The following ATR variants were observed in gnomAD, a reference collection of about 807,000 sequenced individuals.
ATR encodes the protein ATR checkpoint kinase.
A neutral mutation model predicts 305.3 loss-of-function variants in ATR; 142 were observed. That is an observed-to-expected ratio of 0.47 (90% CI 0.41 to 0.53). ATR has a LOEUF of 0.53. Ranked by LOEUF, ATR falls within the 20% of genes least tolerant of loss-of-function variation. The pLI, the probability that ATR is intolerant of heterozygous loss-of-function variation, is 0.00. For missense variants in ATR, 2,135 were observed against 3,133.1 expected, an observed-to-expected ratio of 0.68 and a Z score of 7.60; for synonymous variants, 1,050 against 1,068.1, an observed-to-expected ratio of 0.98 and a Z score of 0.33.
At chr3:142,472,413 T>C (rs561090188) in intron 36 of ATR, 1 of 152,286 alleles carries the variant, frequency 6.6e-6, no homozygotes, top group South Asian at 2.1e-4. Flanking sequence ...CTTTTCCCCA[T>C]ATCCTCTCCA....
intron 36 of ATR, among the ~76,000 whole-genome samples, chr3:142,474,758 A>G (rs2071392304): frequency 6.6e-6 from 1 of 152,174 alleles, no homozygotes; most frequent in Non-Finnish European, 1.5e-5. Flanking sequence ...GATTCCTGGT[A>G]CTATATTGAA....
chr3:142,530,044 A>AAG (rs2033576449), intron 21 of ATR, among the ~76,000 whole-genome samples: 1 of 152,088 alleles, frequency 6.6e-6, no homozygotes, highest in Non-Finnish European at 1.5e-5. Flanking sequence ...GACATCAATT[A>AAG]TTTGCAGGTG....
intron 26 of ATR, among the ~76,000 whole-genome samples, chr3:142,513,127 T>C (rs1236417991): frequency 2.0e-5 from 3 of 152,064 alleles, no homozygotes; most frequent in Non-Finnish European, 4.4e-5. Flanking sequence ...AAAGAAAATA[T>C]AGCAAATAAG....
At chr3:142,544,495 AG>A (rs1302711272) in intron 16 of ATR, among the ~76,000 whole-genome samples, 1 of 149,268 alleles carries the variant, frequency 6.7e-6, no homozygotes, top group Non-Finnish European at 1.5e-5. Flanking sequence ...CCATTCACTA[AG>A]AACTTAGTAT....
chr3:142,502,962 A>G (rs971880585), intron 30 of ATR, among the ~76,000 whole-genome samples: 2 of 152,230 alleles, frequency 1.3e-5, no homozygotes, highest in African/African-American at 4.8e-5. Context: ...TTCATCAATC[A>G]TTTAGGGTAA....
intron 22 of ATR, among the ~76,000 whole-genome samples, chr3:142,523,686 C>A (rs1232312237): frequency 6.6e-6 from 1 of 151,976 alleles, no homozygotes; most frequent in Non-Finnish European, 1.5e-5. Flanking sequence ...ACTAGTTATC[C>A]ATGGAAACAC....
intron 36 of ATR, among the ~76,000 whole-genome samples, chr3:142,484,393 G>T (rs6775718): frequency 0.65 from 98,305 of 151,862 alleles, 33,169 homozygotes; most frequent in African/African-American, 0.85. Flanking sequence ...TTCCAGAGAG[G>T]TGAACACGTG....
At chr3:142,494,116 A>G (rs2031445690) in intron 34 of ATR, among the ~76,000 whole-genome samples, 1 of 152,132 alleles carries the variant, frequency 6.6e-6, no homozygotes, top group South Asian at 2.1e-4. Flanking sequence ...AAGCAATACA[A>G]GTATAACAAC....
chr3:142,481,863 C>T (rs1157382049), intron 36 of ATR, among the ~76,000 whole-genome samples: 1 of 151,618 alleles, frequency 6.6e-6, no homozygotes, highest in African/African-American at 2.4e-5. Context: ...TTCTCTGTCA[C>T]CCAGGCAGGA....
rs2108466208 is a variant in ATR at position 142,554,023 on chromosome 3, A to T, written c.2342-8T>A. 1 of 1,583,606 alleles carries T rather than the reference A, an allele frequency of 6.3e-7. No individual in the cohort carries two copies. Among genetic ancestry groups the T allele is most frequent in the Non-Finnish European group, 8.6e-7 (1 of 1,158,082 alleles). ...GTAGATTATCTATGAAAGCTGAAGG[A>T]CAAGAGTATACAATACCTAATTTAA... On this transcript the variant is annotated splice_polypyrimidine_tract_variant and splice_region_variant and intron_variant, in intron 10 of 46. Transcript: ENST00000350721.
chr3:142,496,279 TA>T, intron 34 of ATR, 81 bp downstream of exon 34: 1 of 27,884 alleles, frequency 3.6e-5, no homozygotes, highest in Non-Finnish European at 5.8e-5. Context: ...AATTCCCGAC[TA>T]TATATATATA....
At chr3:142,544,452 CAAA>C (rs57120276) in intron 16 of ATR, among the ~76,000 whole-genome samples, 627 of 18,736 alleles carry the variant, frequency 0.033, no homozygotes, top group South Asian at 0.045. Context: ...ATCCTGCCTC[CAAA>C]AAAAAAAAAA....
At chr3:142,570,379 AT>A (rs1232759351) in intron 1 of ATR, among the ~76,000 whole-genome samples, 1 of 151,538 alleles carries the variant, frequency 6.6e-6, no homozygotes, top group Non-Finnish European at 1.5e-5. Context: ...ATGTTCCCTT[AT>A]TTTTATTTAT....
intron 5 of ATR, 65 bp downstream of exon 5, chr3:142,561,178 G>A (rs2034864874): frequency 1.9e-6 from 3 of 1,551,492 alleles, no homozygotes; most frequent in African/African-American, 1.4e-5. Flanking sequence ...AACTAAAGCT[G>A]ATTTTTAAAA....
In ATR at chr3:142,524,207, A is replaced by G; in HGVS notation, c.3946-8T>C. On this transcript the variant is annotated splice_polypyrimidine_tract_variant and splice_region_variant and intron_variant, in intron 21 of 46. Transcript: ENST00000350721. ...ATACTTTATCAGTTTTTCCTAAAATAAAAGTAGAAAGAAAATTTATACGTA... is the reference window on the plus strand; with the variant it reads ...ATACTTTATCAGTTTTTCCTAAAATGAAAGTAGAAAGAAAATTTATACGTA... 6.2e-7 allele frequency: 1 copy of G among 1,602,220 alleles called. No homozygotes were observed. Among genetic ancestry groups the G allele is most frequent in the South Asian group, 1.1e-5 (1 of 90,646 alleles).
intron 30 of ATR, 156 bp from the exon 31 acceptor site, chr3:142,499,874 A>T (rs2031863251): frequency 1.6e-6 from 1 of 623,918 alleles, no homozygotes; most frequent in Admixed American, 3.2e-5. Context: ...CTATCCAGAA[A>T]CTATCCAGAA....
intron 31 of ATR, among the ~76,000 whole-genome samples, chr3:142,499,400 T>C (rs2031827454): frequency 6.6e-6 from 1 of 151,614 alleles, no homozygotes; most frequent in Non-Finnish European, 1.5e-5. Context: ...GTTCAAGCAA[T>C]TCTCCTGCCT....
chr3:142,526,529 T>C lies in ATR; in HGVS notation c.3946-2330A>G, dbSNP rs199957657. On this transcript the variant is annotated intron_variant, in intron 21 of 46. Coordinates refer to ENST00000350721, the MANE Select transcript of ATR (RefSeq NM_001184.4). ...TATATGTACTATGTATATATATACATAGTACATATATAAACATGCATACAT... is the reference window on the plus strand; with the variant it reads ...TATATGTACTATGTATATATATACACAGTACATATATAAACATGCATACAT... 5.3e-5 allele frequency among the ~76,000 whole-genome samples: 8 copies of C among 151,902 alleles called. No homozygotes were observed. The East Asian group carries it at 9.6e-4, about 18-fold the overall frequency.
chr3:142,574,343 T>A (rs2035368197), intron 1 of ATR, among the ~76,000 whole-genome samples: 1 of 151,054 alleles, frequency 6.6e-6, no homozygotes, highest in Admixed American at 6.6e-5. Flanking sequence ...ACACCTGTAG[T>A]CCCAGCTACT....
Sources: gnomAD v4.1 joint callset for allele counts (sites outside exome capture counted in the v4.1 genomes callset) on GRCh38, gnomAD v4.1.1 for gene constraint, MANE v1.5 for transcripts, NCBI Gene and HGNC (gene_info 2026-07-23, HGNC 2026-07-21) for gene names.